The following ARID1B variants were observed in gnomAD, a reference collection of about 807,000 sequenced individuals.
ARID1B encodes the protein AT-rich interactive domain-containing protein 1B.
Under a neutral mutation model 212.3 loss-of-function variants are expected in ARID1B, and 30 were observed. That is an observed-to-expected ratio of 0.14 (90% CI 0.11 to 0.19). The LOEUF is 0.19. ARID1B is among the 10% of genes least tolerant of loss of function. ARID1B has a pLI of 1.00. For missense variants in ARID1B, 2,891 were observed against 3,204.0 expected (o/e 0.90, Z 2.36); for synonymous variants, 1,402 against 1,301.7 (o/e 1.08, Z -1.66).
Position 157,190,160 on chromosome 6 carries a change from G to A in ARID1B, c.4181G>A (p.Gly1394Asp). 1.9e-6 allele frequency: 3 copies of A among 1,614,098 alleles called. No homozygotes were observed. Among genetic ancestry groups the A allele is most frequent in the Non-Finnish European group, 1.7e-6 (2 of 1,180,028 alleles). ...QQGMSMPDVM[G>D]RMPYEPNKDP... ...GGCATGAGCATGCCCGATGTGATGG[G>A]CAGGATGCCCTATGAGCCCAACAAG... The change falls in exon 15 of 20, where the codon GGC becomes GAC. Residue 1394 changes from glycine to aspartate, a missense_variant. By Grantham distance (94) the Gly-to-Asp change is moderately conservative (BLOSUM62 -1). Coordinates refer to ENST00000636930, the MANE Select transcript of ARID1B (RefSeq NM_001374828.1). This position sits in a 1 kb window ranked among gnomAD's most constrained non-coding sequence, Gnocchi z 4.6.
intron 6 of ARID1B, among the ~76,000 whole-genome samples, chr6:157,131,099 C>A (rs1788515855): frequency 6.6e-6 from 1 of 152,166 alleles, no homozygotes; most frequent in African/African-American, 2.4e-5. Context: ...TTTTCTTTAT[C>A]CATTTGAATC....
chr6:157,111,573 A>G (rs1455047341), intron 6 of ARID1B, among the ~76,000 whole-genome samples: 1 of 152,094 alleles, frequency 6.6e-6, no homozygotes, highest in Non-Finnish European at 1.5e-5. Flanking sequence ...TACTGTTTAT[A>G]ATTATTTGTA....
intron 4 of ARID1B, among the ~76,000 whole-genome samples, chr6:156,974,108 T>G (rs941553443): frequency 1.3e-5 from 2 of 152,166 alleles, no homozygotes; most frequent in African/African-American, 4.8e-5. Flanking sequence ...AAAACTGTAG[T>G]TTAGTTTTGG....
intron 1 of ARID1B, among the ~76,000 whole-genome samples, chr6:156,792,088 T>G (rs1173197659): frequency 6.6e-6 from 1 of 152,232 alleles, no homozygotes; most frequent in Non-Finnish European, 1.5e-5. Flanking sequence ...AGAACTTTAC[T>G]CATATGAGAG....
chr6:156,888,634 C>T (rs537222079), intron 2 of ARID1B, among the ~76,000 whole-genome samples: 1 of 133,826 alleles, frequency 7.5e-6, no homozygotes, highest in Non-Finnish European at 1.6e-5. Context: ...AATGATACCA[C>T]GAGTGTGCTT....
chr6:156,875,425 C>T (rs975339623), intron 2 of ARID1B, among the ~76,000 whole-genome samples: 1 of 152,190 alleles, frequency 6.6e-6, no homozygotes, highest in Non-Finnish European at 1.5e-5. Context: ...GCCATTTATT[C>T]AAAATTAATT....
intron 4 of ARID1B, among the ~76,000 whole-genome samples, chr6:156,964,572 G>T (rs543783974): frequency 9.2e-5 from 14 of 152,108 alleles, no homozygotes; most frequent in Admixed American, 2.0e-4. Flanking sequence ...AATTTTATGC[G>T]TATACTCAAG....
chr6:157,142,025 G>T (rs1194858775), intron 7 of ARID1B, among the ~76,000 whole-genome samples: 1 of 152,160 alleles, frequency 6.6e-6, no homozygotes, highest in Admixed American at 6.5e-5. Flanking sequence ...TCCAAGAATG[G>T]ACTACTACTC....
At chr6:156,968,281 C>T (rs1164623400) in intron 4 of ARID1B, among the ~76,000 whole-genome samples, 1 of 151,714 alleles carries the variant, frequency 6.6e-6, no homozygotes, top group African/African-American at 2.4e-5. Flanking sequence ...TGCCATTTTA[C>T]AAAAAATGAG....
At chr6:157,092,476 G>A (rs1785339921) in intron 5 of ARID1B, among the ~76,000 whole-genome samples, 1 of 152,240 alleles carries the variant, frequency 6.6e-6, no homozygotes, top group Admixed American at 6.5e-5. Context: ...AACTGCCTCA[G>A]TGTTCTGAGC....
intron 6 of ARID1B, among the ~76,000 whole-genome samples, chr6:157,122,677 G>A (rs1787815993): frequency 6.6e-6 from 1 of 152,120 alleles, no homozygotes; most frequent in Non-Finnish European, 1.5e-5. Flanking sequence ...GCTAGAAAGG[G>A]AACAGTCTTC....
At chr6:156,815,495 TAAC>T (rs1373868639) in intron 1 of ARID1B, among the ~76,000 whole-genome samples, 1 of 152,150 alleles carries the variant, frequency 6.6e-6, no homozygotes, top group Non-Finnish European at 1.5e-5. Context: ...ATTTTTAAAA[TAAC>T]AGTGCTTTTC....
chr6:156,797,252 C>G (rs2115288606), intron 1 of ARID1B, among the ~76,000 whole-genome samples: 1 of 152,334 alleles, frequency 6.6e-6, no homozygotes, highest in East Asian at 1.9e-4. Flanking sequence ...ATCCCAGAGA[C>G]AGCAGACCAA....
rs754864354 is a variant in ARID1B at position 157,206,214 on chromosome 6, G to C, written c.5442G>C (p.Leu1814=). Residue 1814 remains leucine, a synonymous_variant, in exon 20 of 20, where the codon CTG becomes CTC. Transcript: ENST00000636930. The surrounding 1 kb of genome is among the most constrained non-coding windows in gnomAD (Gnocchi z 6.8). ...ELLVEYFRKC[L]IDIFGILMEY... ...TAGTCGAGTACTTTAGAAAATGCCT[G>C]ATTGACATTTTTGGAATTCTTATGG... is the stretch of plus-strand genomic sequence containing the variant. 5.0e-6 allele frequency: 8 copies of C among 1,614,152 alleles called. No homozygotes were observed. In the Middle Eastern group the frequency reaches 8.2e-4, roughly 166 times the overall value.
intron 4 of ARID1B, among the ~76,000 whole-genome samples, chr6:156,958,024 A>G (rs1488203314): frequency 6.6e-6 from 1 of 152,222 alleles, no homozygotes; most frequent in Non-Finnish European, 1.5e-5. Flanking sequence ...TACATTCAGT[A>G]TAATGTAGTT....
In ARID1B at chr6:156,816,772, G is replaced by T. The variant is rs951152144; in HGVS notation, c.1792-12455G>T. Among the ~76,000 whole-genome samples, 7 of 152,158 alleles carry T rather than the reference G, an allele frequency of 4.6e-5. No individual in the cohort carries two copies. In the South Asian group the frequency reaches 8.3e-4, roughly 18 times the overall value. On this transcript the variant is annotated intron_variant, in intron 1 of 19. Transcript: ENST00000636930. ...TAAGAGGGCTGTCCAGGTACAGGGC[G>T]GGCTGAGGCCTGATAGGTCGCTGGG...
At chr6:157,020,966 T>C (rs1362327076) in intron 4 of ARID1B, among the ~76,000 whole-genome samples, 1 of 152,176 alleles carries the variant, frequency 6.6e-6, no homozygotes, top group Non-Finnish European at 1.5e-5. Context: ...GATAAAGAAA[T>C]GAGAAATTCG....
intron 1 of ARID1B, among the ~76,000 whole-genome samples, chr6:156,812,795 A>G (rs1781641849): frequency 6.6e-6 from 1 of 150,554 alleles, no homozygotes; most frequent in Non-Finnish European, 1.5e-5. Context: ...ATCTCCCTTG[A>G]TGGGACAAGC....
chr6:157,128,253 A>G (rs562986830), intron 6 of ARID1B, among the ~76,000 whole-genome samples: 35 of 152,322 alleles, frequency 2.3e-4, no homozygotes, highest in African/African-American at 7.5e-4. Context: ...CTTTTTTAGT[A>G]GGATTAGCTA....
Sources: allele counts gnomAD v4.1 joint callset (sites outside exome capture counted in the v4.1 genomes callset), GRCh38; gene constraint gnomAD v4.1.1; non-coding constraint Gnocchi (gnomAD v3.1); transcripts MANE v1.5; gene names NCBI Gene and HGNC (gene_info 2026-07-23, HGNC 2026-07-21).